The following UBE2D1 variants were observed in gnomAD, a reference collection of about 807,000 sequenced individuals.
UBE2D1 encodes ubiquitin conjugating enzyme E2 D1.
A neutral mutation model predicts 24.6 loss-of-function variants in UBE2D1; 9 were observed. The observed-to-expected ratio is 0.37, with a 90% CI of 0.22 to 0.64. UBE2D1 has a LOEUF of 0.64. Among genes scored for constraint, UBE2D1 ranks in the 30% least tolerant of loss-of-function variants. UBE2D1 has a pLI of 0.64. For synonymous variants in UBE2D1, 57 were observed against 57.6 expected (o/e 0.99, Z 0.04); for missense variants, 87 against 177.1 (o/e 0.49, Z 2.89).
intron 1 of UBE2D1, among the ~76,000 whole-genome samples, chr10:58,351,960 C>T (rs905309463): frequency 6.6e-6 from 1 of 152,096 alleles, no homozygotes; most frequent in African/African-American, 2.4e-5. Context: ...CATTATGTGG[C>T]ACGTAACTGT....
chr10:58,366,580 T>C (rs909922387), intron 5 of UBE2D1, among the ~76,000 whole-genome samples: 4 of 152,116 alleles, frequency 2.6e-5, no homozygotes, highest in Non-Finnish European at 5.9e-5. Context: ...CTATATTTTT[T>C]TAAATTTTTA....
At position 58,368,857 on chromosome 10, in the gene UBE2D1, T is replaced by C; in HGVS notation, c.*92T>C. 1.2e-6 allele frequency: 1 copy of C among 810,026 alleles called. No individual in the cohort carries two copies. Among genetic ancestry groups the C allele is most frequent in the African/African-American group, 1.8e-5 (1 of 56,066 alleles). The allele number at this position is 810,026 out of a possible 1,614,324, so 50.2% of individuals were successfully genotyped here. A position where few individuals can be genotyped will look rare whatever the true frequency, so the allele number is the denominator to read the frequency against. ...AAATTGAGCACTGTTTACTGTTTCATTGTACCATGAAACCATTTGATTTTT... is the reference window on the plus strand; with the variant it reads ...AAATTGAGCACTGTTTACTGTTTCACTGTACCATGAAACCATTTGATTTTT... On this transcript the variant is annotated 3_prime_UTR_variant, in exon 7 of 7. Coordinates refer to ENST00000373910, the MANE Select transcript of UBE2D1 (RefSeq NM_003338.5).
intron 3 of UBE2D1, 61 bp from the exon 4 acceptor site, chr10:58,363,548 A>G: frequency 2.4e-6 from 3 of 1,225,020 alleles, no homozygotes; most frequent in Non-Finnish European, 3.4e-6. Context: ...GGGGGAAATA[A>G]TTTTGTTGTT....
chr10:58,360,570 A>G (rs1324041351), intron 1 of UBE2D1, among the ~76,000 whole-genome samples: 1 of 152,154 alleles, frequency 6.6e-6, no homozygotes, highest in African/African-American at 2.4e-5. Context: ...GTATGAATCA[A>G]TGTTCTAAGT....
At chr10:58,358,286 G>T (rs1840155180) in intron 1 of UBE2D1, among the ~76,000 whole-genome samples, 1 of 152,088 alleles carries the variant, frequency 6.6e-6, no homozygotes, top group Non-Finnish European at 1.5e-5. Flanking sequence ...TAGTTTGCTA[G>T]TTAAAATGAG....
At chr10:58,340,541 T>G (rs543736540) in intron 1 of UBE2D1, among the ~76,000 whole-genome samples, 1 of 152,234 alleles carries the variant, frequency 6.6e-6, no homozygotes, top group Non-Finnish European at 1.5e-5. Flanking sequence ...TAAGCTTGGC[T>G]GTAATATTAT....
intron 1 of UBE2D1, among the ~76,000 whole-genome samples, chr10:58,347,040 C>T (rs530384756): frequency 6.6e-6 from 1 of 152,318 alleles, no homozygotes; most frequent in South Asian, 2.1e-4. Flanking sequence ...CTTCAGATTC[C>T]TCCTTCTGTT....
At chr10:58,362,448 A>G (rs1407974250) in intron 3 of UBE2D1, among the ~76,000 whole-genome samples, 1 of 152,206 alleles carries the variant, frequency 6.6e-6, no homozygotes, top group Non-Finnish European at 1.5e-5. Context: ...CAATGTATTT[A>G]TATAACAACT....
chr10:58,340,367 G>C (rs1839949654), intron 1 of UBE2D1, among the ~76,000 whole-genome samples: 1 of 152,150 alleles, frequency 6.6e-6, no homozygotes, highest in Non-Finnish European at 1.5e-5. Context: ...CATGGGCAGA[G>C]CATTTTCCTC....
intron 1 of UBE2D1, among the ~76,000 whole-genome samples, chr10:58,336,323 A>C (rs549915196): frequency 6.6e-6 from 1 of 152,336 alleles, no homozygotes; most frequent in Admixed American, 6.5e-5. Context: ...TAGTTGTTTC[A>C]GAAGAAATTG....
At chr10:58,364,931 C>A in intron 5 of UBE2D1, 55 bp downstream of exon 5, 6 of 1,374,632 alleles carry the variant, frequency 4.4e-6, no homozygotes, top group Non-Finnish European at 4.1e-6. Context: ...AGGAAAAATA[C>A]AGCAGAATTA....
chr10:58,344,445 A>G (rs906727929), intron 1 of UBE2D1, among the ~76,000 whole-genome samples: 3 of 151,614 alleles, frequency 2.0e-5, no homozygotes, highest in African/African-American at 7.3e-5. Flanking sequence ...ATTGAACTTG[A>G]TACTTTCTGT....
At chr10:58,363,439 T>A (rs1334234813) in intron 3 of UBE2D1, among the ~76,000 whole-genome samples, 170 bp from the exon 4 acceptor site, 1 of 152,172 alleles carries the variant, frequency 6.6e-6, no homozygotes, top group African/African-American at 2.4e-5. Context: ...AAGTAAATGA[T>A]TTGAACTTAT....
chr10:58,364,888 G>C lies in UBE2D1; in HGVS notation c.304+12G>C, dbSNP rs766450605. 1 of 1,599,390 alleles carries C rather than the reference G, an allele frequency of 6.3e-7. No homozygotes were observed. Among genetic ancestry groups the C allele is most frequent in the Non-Finnish European group, 8.6e-7 (1 of 1,167,842 alleles). On this transcript the variant is annotated intron_variant, in intron 5 of 6. Transcript: ENST00000373910. ...GACTGTATCAAAAGGTAATTTCATTGATCAGGTTTGAAACAGTTGATAACA... is the reference window on the plus strand; with the variant it reads ...GACTGTATCAAAAGGTAATTTCATTCATCAGGTTTGAAACAGTTGATAACA...
At chr10:58,363,766 G>T (rs889945359) in intron 4 of UBE2D1, 80 bp downstream of exon 4, 1 of 1,072,488 alleles carries the variant, frequency 9.3e-7, no homozygotes, top group Non-Finnish European at 1.4e-6. Flanking sequence ...ATTATCTAGA[G>T]CTCATTTGAT....
chr10:58,367,412 A>G (rs1752990474), intron 5 of UBE2D1, among the ~76,000 whole-genome samples: 1 of 152,198 alleles, frequency 6.6e-6, no homozygotes, highest in Admixed American at 6.6e-5. Flanking sequence ...TGCAAGCTAT[A>G]TAAAGATAGC....
intron 1 of UBE2D1, among the ~76,000 whole-genome samples, chr10:58,339,832 G>C (rs1839944457): frequency 6.6e-6 from 1 of 150,638 alleles, no homozygotes; most frequent in Non-Finnish European, 1.5e-5. Context: ...AATAGTTGCA[G>C]TTACATATCG....
intron 1 of UBE2D1, among the ~76,000 whole-genome samples, chr10:58,344,506 T>G (rs552049306): frequency 1.4e-4 from 20 of 145,206 alleles, no homozygotes; most frequent in Middle Eastern, 3.6e-3. Context: ...GTATTTGCTG[T>G]TTTTTTTTTT....
intron 1 of UBE2D1, among the ~76,000 whole-genome samples, chr10:58,350,794 C>T (rs1840066443): frequency 6.6e-6 from 1 of 152,096 alleles, no homozygotes; most frequent in African/African-American, 2.4e-5. Context: ...CTGAGAAATG[C>T]ATCGTTAGGC....
Sources: gnomAD v4.1 joint callset for allele counts (sites outside exome capture counted in the v4.1 genomes callset) on GRCh38, gnomAD v4.1.1 for gene constraint, MANE v1.5 for transcripts, NCBI Gene and HGNC (gene_info 2026-07-23, HGNC 2026-07-21) for gene names.